The following CCDC178 variants were observed in gnomAD, a reference collection of about 807,000 sequenced individuals.
The protein encoded by CCDC178 is coiled-coil domain containing 178, also known as coiled-coil domain-containing protein 178.
Under a neutral mutation model 117.4 loss-of-function variants are expected in CCDC178, and 126 were observed. The observed-to-expected ratio is 1.07, with a 90% CI of 0.93 to 1.24. The LOEUF is 1.24. Among genes scored for constraint, CCDC178 ranks in the 50% most tolerant of loss-of-function variants. The pLI is 0.00. For missense variants in CCDC178, 1,030 were observed against 986.9 expected (o/e 1.04, Z -0.59); for synonymous variants, 283 against 313.4 (o/e 0.90, Z 1.02).
rs1206391918 is a variant in CCDC178 at position 33,333,256 on chromosome 18, A to G, written c.797T>C (p.Met266Thr). Residue 266 changes from methionine to threonine, a missense_variant, in exon 10 of 23, where the codon ATG (methionine) becomes ACG (threonine). Physicochemically the swap from Met to Thr is moderately conservative, Grantham distance 81. Transcript: ENST00000383096. ...GTCCAGTAGAGGGCCATGTTCATTCATGTAGTCTATGTCTGCTTGAATCTT... is the reference window on the plus strand; with the variant it reads ...GTCCAGTAGAGGGCCATGTTCATTCGTGTAGTCTATGTCTGCTTGAATCTT... ...NAKIQADIDY[M>T]NEHGPLLDSK... 1 of 1,612,898 alleles carries G rather than the reference A, an allele frequency of 6.2e-7. No individual in the cohort carries two copies. The highest frequency in any genetic ancestry group is 2.2e-5 in the East Asian group (1 of 44,750).
chr18:32,974,536 C>T lies in CCDC178; in HGVS notation c.2523+11G>A, dbSNP rs750844147. 6.2e-7 allele frequency: 1 copy of T among 1,612,440 alleles called. No homozygotes were observed. The highest frequency in any genetic ancestry group is 1.3e-5 in the African/African-American group (1 of 74,882). On this transcript the variant is annotated intron_variant, in intron 22 of 22. Transcript: ENST00000383096. ...CAGAATGATCTTTCCTACTTCCCTG[C>T]AATCACCTACCTGCACAGCTAATAT...
chr18:33,053,953 TTA>T (rs1343443417), intron 21 of CCDC178, among the ~76,000 whole-genome samples: 1 of 152,166 alleles, frequency 6.6e-6, no homozygotes, highest in Admixed American at 6.5e-5. Flanking sequence ...AAATATTATT[TTA>T]TGTTAAAATA....
intron 14 of CCDC178, among the ~76,000 whole-genome samples, chr18:33,247,611 C>G (rs2059566538): frequency 6.6e-6 from 1 of 151,648 alleles, no homozygotes; most frequent in Non-Finnish European, 1.5e-5. Context: ...ATGTGTGGCA[C>G]GTTTGTGTCT....
At chr18:33,067,114 G>A (rs2057030469) in intron 21 of CCDC178, among the ~76,000 whole-genome samples, 1 of 152,196 alleles carries the variant, frequency 6.6e-6, no homozygotes, top group Non-Finnish European at 1.5e-5. Context: ...CACAAAAAAT[G>A]TCACAACAAA....
intron 3 of CCDC178, among the ~76,000 whole-genome samples, chr18:33,405,263 T>C (rs750466690): frequency 5.9e-5 from 9 of 151,740 alleles, no homozygotes; most frequent in Non-Finnish European, 1.0e-4. Context: ...GTTATTTATA[T>C]AATTTAAATT....
chr18:33,408,144 A>G (rs1406817477), intron 3 of CCDC178, among the ~76,000 whole-genome samples: 2 of 152,156 alleles, frequency 1.3e-5, no homozygotes, highest in East Asian at 3.9e-4. Flanking sequence ...TAAAGGAAAA[A>G]AAAGTCCAGA....
chr18:33,162,921 C>T (rs1476258216), intron 20 of CCDC178, among the ~76,000 whole-genome samples: 4 of 152,158 alleles, frequency 2.6e-5, no homozygotes, highest in South Asian at 2.1e-4. Flanking sequence ...TTAGGGTAGA[C>T]GGATTTATAT....
intron 4 of CCDC178, 97 bp downstream of exon 4, chr18:33,397,051 GA>G (rs2063647492): frequency 1.3e-6 from 1 of 762,196 alleles, no homozygotes. Context: ...AAGAACAGAA[GA>G]ATGCCTGAAA....
chr18:33,068,443 C>T (rs1446258489), intron 21 of CCDC178, among the ~76,000 whole-genome samples: 2 of 152,100 alleles, frequency 1.3e-5, no homozygotes, highest in East Asian at 1.9e-4. Flanking sequence ...AAACTCAATA[C>T]AACAACACAT....
In CCDC178 at chr18:33,082,919, C is replaced by T. The variant is rs1302675397; in HGVS notation, c.2388+9842G>A. 3.3e-5 allele frequency among the ~76,000 whole-genome samples: 5 copies of T among 151,862 alleles called. No individual in the cohort carries two copies. In the East Asian group the frequency reaches 9.7e-4, roughly 29 times the overall value. Reference sequence around the variant, plus strand: ...AGTCATTCCTATAAGGATTCCATTGCCACGGTTGAGGTTATTTCATAATAG... The same window carrying T: ...AGTCATTCCTATAAGGATTCCATTGTCACGGTTGAGGTTATTTCATAATAG... On this transcript the variant is annotated intron_variant, in intron 21 of 22. Coordinates refer to ENST00000383096, the MANE Select transcript of CCDC178 (RefSeq NM_001105528.4).
intron 2 of CCDC178, among the ~76,000 whole-genome samples, chr18:33,435,668 T>C (rs1023779237): frequency 4.7e-5 from 2 of 42,608 alleles, no homozygotes; most frequent in Non-Finnish European, 6.0e-5. Flanking sequence ...GAAGTGATCA[T>C]AGTAAACATT....
At chr18:33,127,303 T>C (rs2144240047) in intron 20 of CCDC178, among the ~76,000 whole-genome samples, 1 of 152,288 alleles carries the variant, frequency 6.6e-6, no homozygotes, top group Non-Finnish European at 1.5e-5. Flanking sequence ...TATCTAAGCA[T>C]ATCTAAGGAT....
chr18:32,956,023 T>C (rs1048581699), intron 22 of CCDC178, among the ~76,000 whole-genome samples: 7 of 152,188 alleles, frequency 4.6e-5, no homozygotes, highest in Non-Finnish European at 1.0e-4. Context: ...ATTTTGCCTA[T>C]AACTAACACT....
At chr18:33,121,987 T>C (rs563646060) in intron 20 of CCDC178, among the ~76,000 whole-genome samples, 4 of 152,250 alleles carry the variant, frequency 2.6e-5, no homozygotes, top group African/African-American at 9.6e-5. Flanking sequence ...CCAGAAGCAA[T>C]AGGCTATACC....
At chr18:33,296,829 C>A (rs2062111657) in intron 11 of CCDC178, among the ~76,000 whole-genome samples, 1 of 152,178 alleles carries the variant, frequency 6.6e-6, no homozygotes, top group African/African-American at 2.4e-5. Context: ...GAGTTTGAGA[C>A]AAGCCTGGCT....
intron 12 of CCDC178, among the ~76,000 whole-genome samples, chr18:33,287,345 T>C (rs950882746): frequency 6.6e-6 from 1 of 152,344 alleles, no homozygotes; most frequent in South Asian, 2.1e-4. Flanking sequence ...GGTTTTATAA[T>C]GAGCAAAATA....
intron 21 of CCDC178, among the ~76,000 whole-genome samples, chr18:33,007,290 G>A (rs1374050461): frequency 6.6e-6 from 1 of 151,910 alleles, no homozygotes; most frequent in African/African-American, 2.4e-5. Flanking sequence ...AGGAGTTGTT[G>A]TGGGGGTTCT....
At position 33,092,870 on chromosome 18, in the gene CCDC178, G is replaced by C. The variant is rs2057488896; in HGVS notation, c.2279C>G (p.Ala760Gly). ...ADSLEENLRL[A>G]QEYQQLQITF... ...AATCTGTAGCTGTTGATACTCTTGA[G>C]CTAAACGCAGATTTTCTTCAAGTGA... Residue 760 changes from alanine (A) to glycine (G), a missense_variant, in exon 21 of 23, where the codon GCT becomes GGT. By Grantham distance (60) the Ala-to-Gly change is moderately conservative. Coordinates refer to ENST00000383096, the MANE Select transcript of CCDC178 (RefSeq NM_001105528.4). The C allele has an allele frequency of 1.3e-6, 2 of 1,570,054 alleles. No homozygotes were observed. The highest frequency in any genetic ancestry group is 4.0e-5 in the Admixed American group (2 of 50,154).
At chr18:33,312,913 A>G (rs2062362367) in intron 11 of CCDC178, among the ~76,000 whole-genome samples, 5 of 152,156 alleles carry the variant, frequency 3.3e-5, no homozygotes, top group Admixed American at 3.3e-4. Flanking sequence ...AAGGAAGTAT[A>G]CTCCAGTGGG....
Sources: gnomAD v4.1 joint callset for allele counts (sites outside exome capture counted in the v4.1 genomes callset) on GRCh38, gnomAD v4.1.1 for gene constraint, MANE v1.5 for transcripts, NCBI Gene and HGNC (gene_info 2026-07-23, HGNC 2026-07-21) for gene names.